Variants in TNRC6A observed in about 807,000 individuals in gnomAD.
TNRC6A encodes trinucleotide repeat containing adaptor 6A, also known as trinucleotide repeat-containing gene 6A protein.
TNRC6A carries 44 observed loss-of-function variants against 221.2 expected under a neutral mutation model. That is an observed-to-expected ratio of 0.20 (90% CI 0.16 to 0.26). TNRC6A has a LOEUF of 0.26. Ranked by LOEUF, TNRC6A falls within the 10% of genes least tolerant of loss-of-function variation. TNRC6A has a pLI of 1.00. For missense variants in TNRC6A, 2,199 were observed against 2,404.4 expected, an observed-to-expected ratio of 0.91 and a Z score of 1.79; for synonymous variants, 847 against 838.5, an observed-to-expected ratio of 1.01 and a Z score of -0.18.
intron 2 of TNRC6A, among the ~76,000 whole-genome samples, chr16:24,664,618 TATAA>T (rs2055109903): frequency 7.0e-6 from 1 of 142,590 alleles, no homozygotes; most frequent in Admixed American, 7.2e-5. Flanking sequence ...ATATAATAAA[TATAA>T]ATATATATTA....
At chr16:24,658,767 T>A (rs999051099) in intron 2 of TNRC6A, among the ~76,000 whole-genome samples, 4 of 152,094 alleles carry the variant, frequency 2.6e-5, no homozygotes, top group African/African-American at 9.7e-5. Context: ...AAGAGTTTGC[T>A]CTTACATTAA....
At chr16:24,702,129 G>T (rs1291487659) in intron 2 of TNRC6A, among the ~76,000 whole-genome samples, 6 of 136,300 alleles carry the variant, frequency 4.4e-5, no homozygotes, top group African/African-American at 1.4e-4. Context: ...TTTTTTTGAG[G>T]CAGTGTCCAC....
intron 4 of TNRC6A, among the ~76,000 whole-genome samples, chr16:24,763,635 T>C (rs2057410238): frequency 6.6e-6 from 1 of 152,254 alleles, no homozygotes; most frequent in East Asian, 1.9e-4. Context: ...AGTGACATTA[T>C]TTCCTTCATT....
At chr16:24,800,006 T>TTTTGTTTGTTTG (rs773775841) in intron 11 of TNRC6A, among the ~76,000 whole-genome samples, 1 of 152,046 alleles carries the variant, frequency 6.6e-6, no homozygotes, top group African/African-American at 2.4e-5. Context: ...AGTAGACTAG[T>TTTTGTTTGTTTG]TTTGTTTGTT....
chr16:24,768,117 A>G (rs1365488909), intron 4 of TNRC6A, among the ~76,000 whole-genome samples: 1 of 152,162 alleles, frequency 6.6e-6, no homozygotes, highest in Non-Finnish European at 1.5e-5. Context: ...TTAATAGGCA[A>G]TCTGAATTTT....
At position 24,807,154 on chromosome 16, in the gene TNRC6A, C is replaced by T. The variant is rs1013863654; in HGVS notation, c.4540+370C>T. On this transcript the variant is annotated intron_variant, in intron 17 of 24. Transcript: ENST00000395799. Reference sequence around the variant, plus strand: ...CCGAGTAGCTGGGATTACAGGCGCGCACCACCACGCCCAGCTAATCTTTGT... The same window carrying T: ...CCGAGTAGCTGGGATTACAGGCGCGTACCACCACGCCCAGCTAATCTTTGT... Among the ~76,000 whole-genome samples the T allele has an allele frequency of 2.0e-5, 3 of 151,986 alleles. No individual in the cohort carries two copies. The East Asian group carries it at 5.8e-4, about 29-fold the overall frequency.
At chr16:24,673,087 C>T (rs2055339750) in intron 2 of TNRC6A, among the ~76,000 whole-genome samples, 1 of 152,018 alleles carries the variant, frequency 6.6e-6, no homozygotes, top group South Asian at 2.1e-4. Flanking sequence ...CACCTGTAGT[C>T]CCAGCTACTC....
At chr16:24,818,749 C>G (rs750244547) in intron 21 of TNRC6A, 49 bp downstream of exon 21, 3 of 1,426,672 alleles carry the variant, frequency 2.1e-6, no homozygotes, top group African/African-American at 2.8e-5. Flanking sequence ...CAGCCAGAGC[C>G]GCGGCTGTTG....
chr16:24,650,548 C>T (rs1376454582), intron 2 of TNRC6A, among the ~76,000 whole-genome samples: 1 of 152,026 alleles, frequency 6.6e-6, no homozygotes, highest in Non-Finnish European at 1.5e-5. Flanking sequence ...GCCTGTAAGC[C>T]TAGCTACTTG....
At chr16:24,773,045 C>CT (rs1444590502) in intron 4 of TNRC6A, among the ~76,000 whole-genome samples, 1 of 151,906 alleles carries the variant, frequency 6.6e-6, no homozygotes, top group African/African-American at 2.4e-5. Context: ...TTTAACTATT[C>CT]TTTTTCATAG....
At position 24,643,068 on chromosome 16, in the gene TNRC6A, TTA is replaced by T. The variant is rs1165130267; in HGVS notation, n.402+2069_402+2070del. On this transcript the variant is annotated intron_variant and non_coding_transcript_variant, in intron 2 of 2. Coordinates refer to the TNRC6A transcript ENST00000566108. ...CTTTAATATATATATAACATATATA[TTA>T]TATATATATTATATATATATATTTT... 3.6e-3 allele frequency among the ~76,000 whole-genome samples: 484 copies of T among 135,066 alleles called. 1 individual carries two copies. The highest frequency in any genetic ancestry group is 0.011 in the African/African-American group (411 of 36,336). The allele number at this position is 135,066 out of a possible 152,430, so 88.6% of individuals were successfully genotyped here. A position where few individuals can be genotyped will look rare whatever the true frequency, so the allele number is the denominator to read the frequency against.
At chr16:24,625,289 A>G (rs376524144) in intron 1 of TNRC6A, among the ~76,000 whole-genome samples, 35 of 152,288 alleles carry the variant, frequency 2.3e-4, no homozygotes, top group East Asian at 7.7e-4. Flanking sequence ...CATTCCATGG[A>G]GAAAGAAATC....
intron 1 of TNRC6A, among the ~76,000 whole-genome samples, chr16:24,620,305 G>C (rs1900599634): frequency 6.6e-6 from 1 of 152,118 alleles, no homozygotes; most frequent in South Asian, 2.1e-4. Flanking sequence ...GGGTTATTGT[G>C]AGTTTGAAAT....
intron 2 of TNRC6A, among the ~76,000 whole-genome samples, chr16:24,743,248 C>G (rs2056929847): frequency 6.6e-6 from 1 of 152,186 alleles, no homozygotes; most frequent in South Asian, 2.1e-4. Flanking sequence ...GTGTTTCTGT[C>G]CTTATGGTGG....
At chr16:24,778,621 C>T (rs190078168) in intron 5 of TNRC6A, among the ~76,000 whole-genome samples, 47 of 152,324 alleles carry the variant, frequency 3.1e-4, no homozygotes, top group Admixed American at 3.1e-3. Flanking sequence ...ATCTGTAAAA[C>T]AGTAGTACCC....
chr16:24,616,056 G>A (rs1485776412), intron 1 of TNRC6A, among the ~76,000 whole-genome samples: 1 of 151,896 alleles, frequency 6.6e-6, no homozygotes, highest in Non-Finnish European at 1.5e-5. Context: ...GCCAGGCATA[G>A]TGGCACATGC....
chr16:24,657,317 C>CAAAA (rs56241898), intron 2 of TNRC6A, among the ~76,000 whole-genome samples: 131 of 88,074 alleles, frequency 1.5e-3, no homozygotes, highest in African/African-American at 2.1e-3. Context: ...GACCCTATCT[C>CAAAA]AAAAAAAAAA....
intron 4 of TNRC6A, among the ~76,000 whole-genome samples, chr16:24,760,523 T>TTCAC (rs2057340575): frequency 6.6e-6 from 1 of 152,342 alleles, no homozygotes; most frequent in South Asian, 2.1e-4. Flanking sequence ...TGCCAGTGAT[T>TTCAC]TCACTCATGT....
chr16:24,746,448 C>CAAT (rs2057012535), intron 2 of TNRC6A, among the ~76,000 whole-genome samples: 1 of 152,246 alleles, frequency 6.6e-6, no homozygotes, highest in East Asian at 1.9e-4. Context: ...CTTGAGGTTT[C>CAAT]TATTGGGAGC....
Sources: allele counts gnomAD v4.1 joint callset (sites outside exome capture counted in the v4.1 genomes callset), GRCh38; gene constraint gnomAD v4.1.1; transcripts MANE v1.5; gene names NCBI Gene and HGNC (gene_info 2026-07-23, HGNC 2026-07-21).